GARIN4: variants seen among roughly 807,000 people sequenced by gnomAD.
GARIN4 encodes Golgi-associated RAB2 interactor protein 4.
the GARIN4 span, chr1:212,626,697 A>C: frequency 6.4e-7 from 1 of 1,551,278 alleles, no homozygotes; most frequent in Non-Finnish European, 8.7e-7. Flanking sequence ...AAAGGAGCCC[A>C]GAGCTCATGG....
chr1:212,625,410 T>C, the GARIN4 span: 3 of 1,614,128 alleles, frequency 1.9e-6, no homozygotes, highest in Non-Finnish European at 2.5e-6. Context: ...CGGCCACCCA[T>C]GGAGAGTAAC....
At chr1:212,626,140 G>T in the GARIN4 span, 1 of 1,614,212 alleles carries the variant, frequency 6.2e-7, no homozygotes, top group Non-Finnish European at 8.5e-7. Flanking sequence ...AAGGCTGCAA[G>T]GAGGGGAGGG....
At chr1:212,626,076 G>A in the GARIN4 span, 100 of 1,614,060 alleles carry the variant, frequency 6.2e-5, no homozygotes, top group Non-Finnish European at 8.1e-5. Flanking sequence ...ACCCGGCAGA[G>A]CAAGAGCAGC....
the GARIN4 span, chr1:212,624,747 T>C: frequency 2.1e-6 from 3 of 1,422,034 alleles, no homozygotes; most frequent in South Asian, 4.7e-5. Flanking sequence ...TGGGGTGGGG[T>C]GGGATTGAGA....
the GARIN4 span, chr1:212,626,027 G>A: frequency 1.9e-6 from 3 of 1,614,252 alleles, no homozygotes; most frequent in East Asian, 2.2e-5. Context: ...GACAGCTGCA[G>A]AAGCAGACAT....
chr1:212,625,997 G>A, the GARIN4 span: 35 of 1,614,140 alleles, frequency 2.2e-5, no homozygotes, highest in Non-Finnish European at 2.6e-5. Flanking sequence ...GGCCATTGCA[G>A]GAGTAGTACT....
At chr1:212,625,916 G>C in the GARIN4 span, 1 of 1,614,210 alleles carries the variant, frequency 6.2e-7, no homozygotes, top group East Asian at 2.2e-5. Context: ...TGTGGCAGGG[G>C]CTGCAGGCAA....
the GARIN4 span, chr1:212,626,141 G>T: frequency 1.9e-6 from 3 of 1,614,110 alleles, no homozygotes; most frequent in Non-Finnish European, 2.5e-6. Flanking sequence ...AGGCTGCAAG[G>T]AGGGGAGGGA....
the GARIN4 span, chr1:212,625,563 A>T: frequency 1.2e-6 from 2 of 1,614,160 alleles, no homozygotes; most frequent in Non-Finnish European, 1.7e-6. Flanking sequence ...ATGGTCTCTG[A>T]GGTGTGTGGG....
At chr1:212,625,763 T>C in the GARIN4 span, 1 of 1,613,948 alleles carries the variant, frequency 6.2e-7, no homozygotes, top group South Asian at 1.1e-5. Flanking sequence ...AGCAGGTGCC[T>C]TGAGTGTGGC....
chr1:212,625,737 C>T, the GARIN4 span: 15 of 1,613,794 alleles, frequency 9.3e-6, no homozygotes, highest in Middle Eastern at 4.9e-4. Context: ...GCTGCAGGGG[C>T]AGCAACAGGC....
the GARIN4 span, chr1:212,625,581 C>T: frequency 6.2e-7 from 1 of 1,614,208 alleles, no homozygotes; most frequent in Non-Finnish European, 8.5e-7. Context: ...GGGGCCACCT[C>T]TGCTGCTTAT....
the GARIN4 span, chr1:212,626,452 G>T: frequency 1.9e-6 from 3 of 1,614,170 alleles, no homozygotes; most frequent in South Asian, 2.2e-5. Flanking sequence ...GACTTGGCAG[G>T]GTCAGCTCTT....
At chr1:212,626,059 C>T in the GARIN4 span, 27 of 1,614,070 alleles carry the variant, frequency 1.7e-5, no homozygotes, top group South Asian at 6.6e-5. Context: ...CGGGACCTCC[C>T]GTCTCCACCC....
the GARIN4 span, chr1:212,626,317 C>T: frequency 1.2e-6 from 2 of 1,614,206 alleles, no homozygotes; most frequent in South Asian, 1.1e-5. Context: ...GCTGTGGCAA[C>T]CCGGGGAGCA....
At chr1:212,626,460 C>T in the GARIN4 span, 1 of 1,614,216 alleles carries the variant, frequency 6.2e-7, no homozygotes, top group Middle Eastern at 1.7e-4. Flanking sequence ...AGGGTCAGCT[C>T]TTTCCTGAGG....
At chr1:212,625,724 G>T in the GARIN4 span, 1 of 1,613,930 alleles carries the variant, frequency 6.2e-7, no homozygotes, top group Non-Finnish European at 8.5e-7. Context: ...AGCAGCAGGG[G>T]CAGCTGCAGG....
the GARIN4 span, chr1:212,624,571 TC>T: frequency 3.9e-6 from 1 of 255,258 alleles, no homozygotes; most frequent in East Asian, 7.3e-5. Flanking sequence ...GAGGTGGAGG[TC>T]AGGGGGTTAG....
the GARIN4 span, chr1:212,625,333 A>T: frequency 6.2e-7 from 1 of 1,614,248 alleles, no homozygotes; most frequent in Non-Finnish European, 8.5e-7. Context: ...GCTATCTGCA[A>T]TTGTGTCCCG....
Sources: allele counts gnomAD v4.1 joint callset, GRCh38; gene constraint gnomAD v4.1.1; transcripts MANE v1.5; gene names NCBI Gene and HGNC (gene_info 2026-07-23, HGNC 2026-07-21).